The following PRIM2 variants were observed in gnomAD, a reference collection of about 807,000 sequenced individuals.
PRIM2 encodes DNA primase subunit 2.
Under a neutral mutation model 67.3 loss-of-function variants are expected in PRIM2, and 39 were observed. The ratio of observed to expected loss-of-function variants is 0.58; its 90% CI spans 0.45 to 0.76. The LOEUF is 0.76. Among genes scored for constraint, PRIM2 ranks in the 30% least tolerant of loss-of-function variants. PRIM2 has a pLI of 0.00. For missense variants in PRIM2, 398 were observed against 598.7 expected (o/e 0.66, Z 3.50); for synonymous variants, 143 against 198.7 (o/e 0.72, Z 2.36).
At chr6:57,256,653 CACACACACACAT>C in the PRIM2 span, among the ~76,000 whole-genome samples, 7 of 149,212 alleles carry the variant, frequency 4.7e-5, no homozygotes, top group African/African-American at 1.5e-4. Context: ...CACACACACA[CACACACACACAT>C]GCCATGCAGG....
chr6:57,519,886 C>A (rs1774575506), intron 8 of PRIM2, among the ~76,000 whole-genome samples: 1 of 152,202 alleles, frequency 6.6e-6, no homozygotes, highest in African/African-American at 2.4e-5. Flanking sequence ...GAAATCTTCA[C>A]AATCCACGTT....
At chr6:57,386,032 G>T (rs1770135166) in intron 7 of PRIM2, among the ~76,000 whole-genome samples, 1 of 151,810 alleles carries the variant, frequency 6.6e-6, no homozygotes, top group African/African-American at 2.4e-5. Flanking sequence ...TTTAGGAATG[G>T]AATTGTAGGG....
At chr6:57,276,726 CTAA>C in the PRIM2 span, among the ~76,000 whole-genome samples, 1 of 151,616 alleles carries the variant, frequency 6.6e-6, no homozygotes, top group Non-Finnish European at 1.5e-5. Flanking sequence ...AAACCCATCT[CTAA>C]AAAAAGAAAA....
intron 5 of PRIM2, among the ~76,000 whole-genome samples, chr6:57,349,867 A>G (rs2068444): frequency 0.011 from 1,677 of 152,330 alleles, 19 homozygotes; most frequent in Middle Eastern, 0.048. Context: ...AACTCAAGTT[A>G]TATCTGGATA....
chr6:57,242,606 T>C, the PRIM2 span, among the ~76,000 whole-genome samples: 6 of 152,234 alleles, frequency 3.9e-5, no homozygotes, highest in African/African-American at 1.4e-4. Flanking sequence ...TTTTTCCTAA[T>C]ATGGTATAAA....
chr6:57,395,468 TA>T (rs1374612117), intron 7 of PRIM2, among the ~76,000 whole-genome samples: 12 of 152,226 alleles, frequency 7.9e-5, no homozygotes, highest in African/African-American at 2.9e-4. Flanking sequence ...CATAGTAGCC[TA>T]GAATGATCTT....
chr6:57,637,068 C>T (rs1777135131), intron 13 of PRIM2, among the ~76,000 whole-genome samples: 1 of 152,188 alleles, frequency 6.6e-6, no homozygotes, highest in East Asian at 1.9e-4. Flanking sequence ...GAACAGGGCA[C>T]AATCTTTGCT....
the PRIM2 span, among the ~76,000 whole-genome samples, chr6:57,277,137 T>G: frequency 2.0e-5 from 3 of 152,172 alleles, no homozygotes; most frequent in South Asian, 6.2e-4. Flanking sequence ...GAGGGAATGC[T>G]GAGAGGCATT....
the PRIM2 span, among the ~76,000 whole-genome samples, chr6:57,223,643 A>G: frequency 6.6e-6 from 1 of 152,186 alleles, no homozygotes; most frequent in African/African-American, 2.4e-5. Flanking sequence ...AAAAACAATT[A>G]AAAAGTTGGC....
chr6:57,282,213 A>G, the PRIM2 span, among the ~76,000 whole-genome samples: 2 of 152,074 alleles, frequency 1.3e-5, no homozygotes, highest in East Asian at 3.8e-4. Context: ...ATTATTTTGT[A>G]TATTTCTTGA....
intron 8 of PRIM2, among the ~76,000 whole-genome samples, chr6:57,507,956 A>G (rs1425685968): frequency 1.3e-5 from 2 of 152,130 alleles, no homozygotes; most frequent in Admixed American, 6.5e-5. Context: ...TTATTTTTTG[A>G]GATGGAATCT....
intron 10 of PRIM2, among the ~76,000 whole-genome samples, chr6:57,547,210 G>T (rs1775306890): frequency 6.6e-6 from 1 of 152,068 alleles, no homozygotes; most frequent in South Asian, 2.1e-4. Context: ...CACCCTGGGT[G>T]CAAGAGATAT....
chr6:57,628,635 G>A (rs1187412419), intron 12 of PRIM2, among the ~76,000 whole-genome samples: 2 of 152,052 alleles, frequency 1.3e-5, no homozygotes, highest in East Asian at 1.9e-4. Context: ...TTCAACTCTT[G>A]TCTCCCTTCC....
Position 57,331,457 on chromosome 6 carries a change from G to A in PRIM2, c.459+5412G>A, listed in dbSNP as rs185896219. ...GTTGGGAAATGTTTCCTCCTCTTCC[G>A]TTTTTTGGAGGAGGTTGTGAAGGAT... On this transcript the variant is annotated intron_variant, in intron 5 of 13. Transcript: ENST00000615550. 7.2e-5 allele frequency among the ~76,000 whole-genome samples: 11 copies of A among 152,082 alleles called. No homozygotes were observed. In the East Asian group the frequency reaches 9.7e-4, roughly 13 times the overall value.
At chr6:57,631,646 C>T (rs1473961006) in intron 12 of PRIM2, among the ~76,000 whole-genome samples, 5 of 152,086 alleles carry the variant, frequency 3.3e-5, no homozygotes, top group South Asian at 4.1e-4. Context: ...AAAGGGTTTA[C>T]ATTAAATTTT....
the PRIM2 span, among the ~76,000 whole-genome samples, chr6:57,249,872 G>A: frequency 6.6e-6 from 1 of 152,210 alleles, no homozygotes; most frequent in African/African-American, 2.4e-5. Flanking sequence ...GAATTTAAAT[G>A]GAATATTGTG....
At chr6:57,335,074 C>G (rs1581800140) in intron 5 of PRIM2, among the ~76,000 whole-genome samples, 1 of 152,204 alleles carries the variant, frequency 6.6e-6, no homozygotes, top group Non-Finnish European at 1.5e-5. Flanking sequence ...AGGGAGTTCC[C>G]TTTCCTAGTC....
intron 12 of PRIM2, among the ~76,000 whole-genome samples, chr6:57,616,844 C>G (rs1247506703): frequency 1.3e-5 from 2 of 152,218 alleles, no homozygotes; most frequent in Non-Finnish European, 2.9e-5. Context: ...TGCTTTCTAT[C>G]TCTATGGATT....
chr6:57,598,905 A>G (rs1776415206), intron 10 of PRIM2, among the ~76,000 whole-genome samples: 1 of 86,346 alleles, frequency 1.2e-5, no homozygotes, highest in African/African-American at 5.9e-5. Context: ...TGCAATTGGT[A>G]TATGAAGTAG....
Sources: gnomAD v4.1 joint callset for allele counts (sites outside exome capture counted in the v4.1 genomes callset) on GRCh38, gnomAD v4.1.1 for gene constraint, MANE v1.5 for transcripts, NCBI Gene and HGNC (gene_info 2026-07-23, HGNC 2026-07-21) for gene names.